Variants in ASRGL1 observed in about 807,000 individuals in gnomAD.
ASRGL1 encodes the protein asparaginase and isoaspartyl peptidase 1.
ASRGL1 carries 16 observed loss-of-function variants against 22.4 expected under a neutral mutation model. The ratio of observed to expected loss-of-function variants is 0.71; its 90% CI spans 0.48 to 1.08. ASRGL1 has a LOEUF of 1.08. ASRGL1 is among the 50% of genes least tolerant of loss of function. The pLI is 0.00. For missense variants in ASRGL1, 412 were observed against 410.1 expected, an observed-to-expected ratio of 1.00 and a Z score of -0.04; for synonymous variants, 165 against 159.3, an observed-to-expected ratio of 1.04 and a Z score of -0.27.
intron 2 of ASRGL1, among the ~76,000 whole-genome samples, chr11:62,349,886 T>G (rs1160687615): frequency 6.6e-6 from 1 of 152,056 alleles, no homozygotes; most frequent in Non-Finnish European, 1.5e-5. Flanking sequence ...TAGGGGAACT[T>G]CCTGACGTTG....
intron 4 of ASRGL1, among the ~76,000 whole-genome samples, chr11:62,369,971 A>G (rs890374592): frequency 6.6e-5 from 10 of 152,184 alleles, no homozygotes; most frequent in Non-Finnish European, 1.2e-4. Flanking sequence ...GAATTCCACA[A>G]TCTTGTAGAA....
chr11:62,353,034 C>G (rs1946202919), intron 2 of ASRGL1, among the ~76,000 whole-genome samples: 1 of 152,098 alleles, frequency 6.6e-6, no homozygotes, highest in Non-Finnish European at 1.5e-5. Context: ...CCCATTTTCT[C>G]CTCCCATCTA....
In ASRGL1 at chr11:62,356,967, C is replaced by T; in HGVS notation, c.334-20C>T. 1 of 1,566,516 alleles carries T rather than the reference C, an allele frequency of 6.4e-7. No individual in the cohort carries two copies. Among genetic ancestry groups the T allele is most frequent in the Non-Finnish European group, 8.6e-7 (1 of 1,163,486 alleles). ...AAATTTTCAAAAAAACAATCATTTT[C>T]TCTTTTCTTTCTGGCTCAGACACCT... is the stretch of plus-strand genomic sequence containing the variant. On this transcript the variant is annotated intron_variant, in intron 3 of 6. Coordinates refer to ENST00000415229, the MANE Select transcript of ASRGL1 (RefSeq NM_001083926.2).
intron 4 of ASRGL1, among the ~76,000 whole-genome samples, chr11:62,387,688 C>CTTTGTTTTTTTGTTTGGGTTT (rs1022704665): frequency 2.0e-5 from 3 of 152,200 alleles, no homozygotes; most frequent in Non-Finnish European, 4.4e-5. Flanking sequence ...CCTGGTGCTT[C>CTTTGTTTTTTTGTTTGGGTTT]TTTGTTTTTT....
At chr11:62,371,338 CGCGCG>C in intron 4 of ASRGL1, 2 of 1,149,278 alleles carry the variant, frequency 1.7e-6, no homozygotes, top group Non-Finnish European at 1.2e-6. Flanking sequence ...CAGGGGCAAG[CGCGCG>C]GCGCAGCCTG....
At position 62,392,555 on chromosome 11, in the gene ASRGL1, C is replaced by A; in HGVS notation, c.*271C>A. The A allele has an allele frequency of 4.4e-6, 2 of 451,366 alleles. No individual in the cohort carries two copies. The highest frequency in any genetic ancestry group is 3.8e-5 in the East Asian group (1 of 26,572). 28.0% of individuals were successfully genotyped at this position (451,366 alleles called of 1,614,324 possible). Reference sequence around the variant, plus strand: ...CTGCACTCCAGCCTGGGCAACAGAGCCAGGCCCTGTATCAAAAAAAAAAAA... The same window carrying A: ...CTGCACTCCAGCCTGGGCAACAGAGACAGGCCCTGTATCAAAAAAAAAAAA... On this transcript the variant is annotated 3_prime_UTR_variant, in exon 7 of 7. Coordinates refer to ENST00000415229, the MANE Select transcript of ASRGL1 (RefSeq NM_001083926.2).
downstream of ASRGL1, among the ~76,000 whole-genome samples, chr11:62,397,928 A>AATCC (rs568357409): frequency 3.5e-4 from 53 of 152,198 alleles, no homozygotes; most frequent in Admixed American, 9.8e-4. Flanking sequence ...GAATTGTTCA[A>AATCC]ATCCAGCACC....
chr11:62,346,329 A>G (rs988227240), intron 2 of ASRGL1, among the ~76,000 whole-genome samples: 1 of 152,148 alleles, frequency 6.6e-6, no homozygotes, highest in Admixed American at 6.6e-5. Flanking sequence ...AGGGCAAGGT[A>G]TGGGGGAAGG....
At chr11:62,361,707 C>A (rs1268916040) in intron 4 of ASRGL1, among the ~76,000 whole-genome samples, 2 of 151,942 alleles carry the variant, frequency 1.3e-5, no homozygotes, top group Admixed American at 6.6e-5. Flanking sequence ...AGGCTGGTCT[C>A]AAACTCCTGA....
intron 4 of ASRGL1, among the ~76,000 whole-genome samples, chr11:62,388,835 A>T (rs1432036877): frequency 6.6e-6 from 1 of 152,118 alleles, no homozygotes; most frequent in Non-Finnish European, 1.5e-5. Context: ...TCTTACTTTT[A>T]TCCCCATTTT....
chr11:62,390,519 G>A (rs1004482260), intron 5 of ASRGL1, among the ~76,000 whole-genome samples: 2 of 152,232 alleles, frequency 1.3e-5, no homozygotes, highest in Non-Finnish European at 2.9e-5. Flanking sequence ...CTGGCCTTCT[G>A]TGGTCCTAGA....
chr11:62,343,404 C>G (rs1244382140), intron 2 of ASRGL1, among the ~76,000 whole-genome samples: 1 of 143,984 alleles, frequency 6.9e-6, no homozygotes, highest in Non-Finnish European at 1.5e-5. Context: ...AAAGGAACTG[C>G]CAAACTTTAA....
intron 4 of ASRGL1, among the ~76,000 whole-genome samples, chr11:62,380,529 A>G (rs1947039949): frequency 6.6e-6 from 1 of 152,046 alleles, no homozygotes; most frequent in Non-Finnish European, 1.5e-5. Flanking sequence ...CTAATAGTTG[A>G]TCTGCATCTA....
chr11:62,357,224 C>CTTTTTG (rs1555001718), intron 4 of ASRGL1, 80 bp downstream of exon 4: 2 of 726,856 alleles, frequency 2.8e-6, no homozygotes, highest in Non-Finnish European at 4.4e-6. Flanking sequence ...ATCTACAGTT[C>CTTTTTG]TTTTGTTTTG....
At position 62,366,532 on chromosome 11, in the gene ASRGL1, T is replaced by C. The variant is rs1170141074; in HGVS notation, c.491+9388T>C. On this transcript the variant is annotated intron_variant, in intron 4 of 6. Transcript: ENST00000415229. Reference sequence around the variant, plus strand: ...GTAACACTGTTACTTTAATTTGCTCTTCCCTGACAGTGAGTTTGAGCATTT... The same window carrying C: ...GTAACACTGTTACTTTAATTTGCTCCTCCCTGACAGTGAGTTTGAGCATTT... Among the ~76,000 whole-genome samples the C allele has an allele frequency of 3.1e-5, 4 of 128,706 alleles. 1 individual carries two copies. Among genetic ancestry groups the C allele is most frequent in the African/African-American group, 1.0e-4 (4 of 39,932 alleles). The allele number at this position is 128,706 out of a possible 152,430, so 84.4% of individuals were successfully genotyped here.
At position 62,353,575 on chromosome 11, in the gene ASRGL1, A is replaced by T. The variant is rs374274274; in HGVS notation, c.191-2750A>T. Among the ~76,000 whole-genome samples, 54 of 151,974 alleles carry T rather than the reference A, an allele frequency of 3.6e-4. 1 individual carries two copies. In the East Asian group the frequency reaches 9.1e-3, roughly 26 times the overall value. On this transcript the variant is annotated intron_variant, in intron 2 of 6. Coordinates refer to ENST00000415229, the MANE Select transcript of ASRGL1 (RefSeq NM_001083926.2). ...TTGGTCTTGAACTAGGCCTCAAGAG[A>T]TCCTCTTGCCTCAGCCTCCCAAAGT...
chr11:62,346,471 C>T (rs1946025236), intron 2 of ASRGL1, among the ~76,000 whole-genome samples: 1 of 152,116 alleles, frequency 6.6e-6, no homozygotes, highest in African/African-American at 2.4e-5. Flanking sequence ...GAGTAACAAA[C>T]GTAAGAAGCC....
At position 62,368,756 on chromosome 11, in the gene ASRGL1, A is replaced by C. The variant is rs546377025; in HGVS notation, c.491+11612A>C. ...GAGGGTCAGCAGGAAAACGTGAGCA[A>C]AGGTCTCTGTGTCATAAACAAGGTT... is the stretch of plus-strand genomic sequence containing the variant. On this transcript the variant is annotated intron_variant, in intron 4 of 6. Transcript: ENST00000415229. Among the ~76,000 whole-genome samples the C allele has an allele frequency of 7.9e-5, 12 of 150,976 alleles. No individual in the cohort carries two copies. In the East Asian group the frequency reaches 2.3e-3, roughly 29 times the overall value.
At chr11:62,354,241 G>T (rs985846555) in intron 2 of ASRGL1, among the ~76,000 whole-genome samples, 1 of 152,260 alleles carries the variant, frequency 6.6e-6, no homozygotes, top group Non-Finnish European at 1.5e-5. Context: ...ATAGAGAAAG[G>T]GTGCTAGTGG....
Sources: allele counts gnomAD v4.1 joint callset (sites outside exome capture counted in the v4.1 genomes callset), GRCh38; gene constraint gnomAD v4.1.1; transcripts MANE v1.5; gene names NCBI Gene and HGNC (gene_info 2026-07-23, HGNC 2026-07-21).